The following SCHIP1 variants were observed in gnomAD, a reference collection of about 807,000 sequenced individuals.
SCHIP1 encodes schwannomin interacting protein 1.
A neutral mutation model predicts 29.7 loss-of-function variants in SCHIP1; 8 were observed. The ratio of observed to expected loss-of-function variants is 0.27; its 90% CI spans 0.16 to 0.49. The LOEUF is 0.49. Ranked by LOEUF, SCHIP1 falls within the 20% of genes least tolerant of loss-of-function variation. SCHIP1 has a pLI of 0.99. For missense variants in SCHIP1, 193 were observed against 294.6 expected (o/e 0.66, Z 2.52); for synonymous variants, 76 against 94.9 (o/e 0.80, Z 1.16).
At chr3:159,566,265 C>T in the SCHIP1 span, among the ~76,000 whole-genome samples, 2 of 152,124 alleles carry the variant, frequency 1.3e-5, no homozygotes, top group Non-Finnish European at 2.9e-5. Context: ...GTTATTTGTC[C>T]TGCTTTATTT....
chr3:159,451,758 A>G, the SCHIP1 span, among the ~76,000 whole-genome samples: 1 of 152,186 alleles, frequency 6.6e-6, no homozygotes, highest in Non-Finnish European at 1.5e-5. Flanking sequence ...TAATGCACGT[A>G]GAGACTCATT....
At chr3:159,528,776 G>A in the SCHIP1 span, among the ~76,000 whole-genome samples, 13 of 152,194 alleles carry the variant, frequency 8.5e-5, no homozygotes, top group African/African-American at 3.1e-4. Context: ...AAAAACATCT[G>A]ACACATTTTC....
the SCHIP1 span, among the ~76,000 whole-genome samples, chr3:159,807,306 C>T: frequency 1.3e-5 from 2 of 152,226 alleles, no homozygotes; most frequent in African/African-American, 4.8e-5. Flanking sequence ...AGAGGCTCCA[C>T]GCTGGCTTAG....
At chr3:159,327,623 G>A in the SCHIP1 span, among the ~76,000 whole-genome samples, 79 of 152,278 alleles carry the variant, frequency 5.2e-4, no homozygotes, top group African/African-American at 1.9e-3. Context: ...TCATTTGCTA[G>A]CAAGCCCACT....
intron 2 of SCHIP1, among the ~76,000 whole-genome samples, chr3:159,877,143 G>A (rs567945327): frequency 6.6e-6 from 1 of 152,292 alleles, no homozygotes; most frequent in South Asian, 2.1e-4. Context: ...GAGGTCAGGA[G>A]TTCAAGATCA....
the SCHIP1 span, among the ~76,000 whole-genome samples, chr3:159,462,518 G>T: frequency 6.6e-6 from 1 of 151,990 alleles, no homozygotes; most frequent in African/African-American, 2.4e-5. Flanking sequence ...CTGCTCTTTG[G>T]CAGTCGCCTC....
chr3:159,805,201 AGT>A, the SCHIP1 span, among the ~76,000 whole-genome samples: 1 of 152,216 alleles, frequency 6.6e-6, no homozygotes, highest in Admixed American at 6.5e-5. Flanking sequence ...AAAGAAGGAG[AGT>A]GGTGTTGGAA....
At chr3:159,765,138 C>T in the SCHIP1 span, 12 of 1,556,534 alleles carry the variant, frequency 7.7e-6, no homozygotes, top group East Asian at 9.7e-5. Flanking sequence ...ACTCCACCTC[C>T]GTAAGTTGGC....
the SCHIP1 span, among the ~76,000 whole-genome samples, chr3:159,427,797 C>T: frequency 2.6e-5 from 4 of 152,120 alleles, no homozygotes; most frequent in African/African-American, 9.7e-5. Flanking sequence ...TCAAACTATA[C>T]TACAAGGCTA....
the SCHIP1 span, among the ~76,000 whole-genome samples, chr3:159,782,509 T>C: frequency 3.9e-5 from 6 of 152,258 alleles, no homozygotes. Flanking sequence ...TATAAGATTT[T>C]TTCATAAATG....
chr3:159,507,105 A>G, the SCHIP1 span, among the ~76,000 whole-genome samples: 1 of 152,126 alleles, frequency 6.6e-6, no homozygotes, highest in African/African-American at 2.4e-5. Context: ...ATGAGCATGG[A>G]ATGTTCTTCC....
upstream of SCHIP1, among the ~76,000 whole-genome samples, chr3:159,837,603 G>T (rs1326091605): frequency 6.6e-6 from 1 of 152,048 alleles, no homozygotes; most frequent in African/African-American, 2.4e-5. Context: ...CGCCCCTGTA[G>T]TCCCGGCTAC....
chr3:159,485,505 C>G, the SCHIP1 span, among the ~76,000 whole-genome samples: 6 of 152,256 alleles, frequency 3.9e-5, no homozygotes, highest in South Asian at 2.1e-4. Context: ...TGGGCCATCT[C>G]TTAGCACTTA....
At chr3:159,566,241 G>C in the SCHIP1 span, among the ~76,000 whole-genome samples, 1 of 152,112 alleles carries the variant, frequency 6.6e-6, no homozygotes, top group African/African-American at 2.4e-5. Flanking sequence ...TCCTCTCAGT[G>C]CACAAATAAG....
At chr3:159,573,440 A>G in the SCHIP1 span, among the ~76,000 whole-genome samples, 1 of 151,946 alleles carries the variant, frequency 6.6e-6, no homozygotes, top group South Asian at 2.1e-4. Flanking sequence ...ATTGGCCCCC[A>G]CTCTCTTCTG....
the SCHIP1 span, among the ~76,000 whole-genome samples, chr3:159,816,938 C>A: frequency 2.0e-5 from 3 of 152,120 alleles, no homozygotes; most frequent in African/African-American, 7.2e-5. Context: ...GAAAATCTTT[C>A]CTGACCCCCC....
At chr3:159,662,657 A>G in the SCHIP1 span, among the ~76,000 whole-genome samples, 1 of 152,204 alleles carries the variant, frequency 6.6e-6, no homozygotes, top group Non-Finnish European at 1.5e-5. Context: ...AAAGAATCAA[A>G]CCACTCAAAG....
the SCHIP1 span, chr3:159,764,788 A>C: frequency 6.4e-7 from 1 of 1,566,322 alleles, no homozygotes; most frequent in Non-Finnish European, 8.6e-7. This position sits in a 1 kb window ranked among gnomAD's most constrained non-coding sequence, Gnocchi z 6.1. Context: ...CGGCGGGGGC[A>C]GGAGCGCCAC....
At chr3:159,517,947 A>G in the SCHIP1 span, among the ~76,000 whole-genome samples, 1 of 152,124 alleles carries the variant, frequency 6.6e-6, no homozygotes, top group Non-Finnish European at 1.5e-5. Flanking sequence ...CAAATATTCA[A>G]TGGGGTATTA....
Sources: gnomAD v4.1 joint callset for allele counts (sites outside exome capture counted in the v4.1 genomes callset) on GRCh38, gnomAD v4.1.1 for gene constraint, Gnocchi (gnomAD v3.1) non-coding constraint, MANE v1.5 for transcripts, NCBI Gene and HGNC (gene_info 2026-07-23, HGNC 2026-07-21) for gene names.